Variants in PTPRD observed in about 807,000 individuals in gnomAD.
PTPRD encodes the protein receptor-type tyrosine-protein phosphatase delta.
A neutral mutation model predicts 214.5 loss-of-function variants in PTPRD; 34 were observed. The observed-to-expected ratio is 0.16, with a 90% CI of 0.12 to 0.21. The LOEUF is 0.21. Ranked by LOEUF, PTPRD falls within the 10% of genes least tolerant of loss-of-function variation. The pLI, the probability that PTPRD is intolerant of heterozygous loss-of-function variation, is 1.00. For synonymous variants in PTPRD, 1,128 were observed against 845.7 expected (o/e 1.33, Z -5.79); for missense variants, 2,545 against 2,398.7 (o/e 1.06, Z -1.27).
intron 3 of PTPRD, among the ~76,000 whole-genome samples, chr9:10,334,754 C>T (rs1051436765): frequency 2.6e-5 from 4 of 151,502 alleles, no homozygotes; most frequent in Non-Finnish European, 3.0e-5. Flanking sequence ...AGTCACTTTT[C>T]CTTTGATTGA....
At chr9:8,824,594 C>A (rs1166212541) in intron 11 of PTPRD, among the ~76,000 whole-genome samples, 1 of 69,088 alleles carries the variant, frequency 1.4e-5, no homozygotes, top group Non-Finnish European at 2.8e-5. Flanking sequence ...AAGAGTAAAG[C>A]AAAATAAGTT....
chr9:8,827,344 T>A (rs1158634682), intron 11 of PTPRD, among the ~76,000 whole-genome samples: 1 of 152,144 alleles, frequency 6.6e-6, no homozygotes, highest in Non-Finnish European at 1.5e-5. Context: ...AGGTGGCTCA[T>A]GCCTGTAATC....
chr9:9,990,179 AC>A (rs2095864415), intron 4 of PTPRD, among the ~76,000 whole-genome samples: 2 of 152,216 alleles, frequency 1.3e-5, no homozygotes, highest in South Asian at 4.2e-4. Flanking sequence ...ATTACGTGGG[AC>A]CAGGACAAGG....
At chr9:9,003,908 G>A (rs1022503619) in intron 11 of PTPRD, among the ~76,000 whole-genome samples, 3 of 152,048 alleles carry the variant, frequency 2.0e-5, no homozygotes, top group African/African-American at 4.8e-5. Flanking sequence ...GTGATTTGTT[G>A]TCTTTTAAAC....
At chr9:9,892,392 C>T (rs974229504) in intron 5 of PTPRD, among the ~76,000 whole-genome samples, 1 of 152,036 alleles carries the variant, frequency 6.6e-6, no homozygotes, top group African/African-American at 2.4e-5. Flanking sequence ...AATGCAAAAA[C>T]CCTGAGAGTG....
intron 12 of PTPRD, among the ~76,000 whole-genome samples, chr9:8,705,451 C>A (rs897557017): frequency 6.6e-6 from 1 of 152,182 alleles, no homozygotes; most frequent in African/African-American, 2.4e-5. Context: ...CAGAGGAGCA[C>A]ATACAAGAAA....
chr9:9,519,801 C>A (rs2096922248), intron 8 of PTPRD, among the ~76,000 whole-genome samples: 1 of 151,944 alleles, frequency 6.6e-6, no homozygotes, highest in South Asian at 2.1e-4. Context: ...ATACATTCAA[C>A]AAAATCCATA....
At chr9:8,899,246 G>A (rs1045792791) in intron 11 of PTPRD, among the ~76,000 whole-genome samples, 1 of 152,220 alleles carries the variant, frequency 6.6e-6, no homozygotes, top group South Asian at 2.1e-4. Flanking sequence ...TCCCTCAACT[G>A]GCATTTCTCC....
intron 11 of PTPRD, among the ~76,000 whole-genome samples, chr9:8,817,832 C>G (rs2096953427): frequency 6.6e-6 from 1 of 152,074 alleles, no homozygotes; most frequent in Non-Finnish European, 1.5e-5. Context: ...TTCAAGATTC[C>G]TGATGACCAG....
intron 9 of PTPRD, among the ~76,000 whole-genome samples, chr9:9,197,379 G>C (rs547713190): frequency 1.6e-4 from 25 of 152,246 alleles, no homozygotes; most frequent in African/African-American, 6.0e-4. Context: ...GGAGTGCACT[G>C]ACACTCTAAC....
intron 4 of PTPRD, among the ~76,000 whole-genome samples, chr9:9,946,201 C>A (rs747102957): frequency 8.5e-5 from 13 of 152,084 alleles, no homozygotes; most frequent in Non-Finnish European, 1.9e-4. Context: ...TTGCAAGCAG[C>A]TTAAACACAA....
intron 3 of PTPRD, among the ~76,000 whole-genome samples, chr9:10,148,260 C>T (rs1000911838): frequency 1.3e-5 from 2 of 152,126 alleles, no homozygotes; most frequent in Admixed American, 6.6e-5. Context: ...TATGTCTATT[C>T]TTAATCTATT....
intron 11 of PTPRD, among the ~76,000 whole-genome samples, chr9:8,899,621 T>C (rs760372832): frequency 1.3e-5 from 2 of 152,154 alleles, no homozygotes; most frequent in East Asian, 3.9e-4. Context: ...TGTGGGAAGG[T>C]TGTTGAGGGT....
At chr9:8,599,885 G>A (rs563073877) in intron 14 of PTPRD, among the ~76,000 whole-genome samples, 10 of 151,990 alleles carry the variant, frequency 6.6e-5, no homozygotes, top group Non-Finnish European at 1.5e-4. Context: ...CCAAATTGCT[G>A]GAATTTACAG....
chr9:9,180,760 G>C (rs952892817), intron 10 of PTPRD, among the ~76,000 whole-genome samples: 1 of 152,012 alleles, frequency 6.6e-6, no homozygotes, highest in South Asian at 2.1e-4. Context: ...TGGAGGAAAA[G>C]ACAATTTAGG....
chr9:8,833,706 A>C (rs201339402), intron 11 of PTPRD, among the ~76,000 whole-genome samples: 46,942 of 140,740 alleles, frequency 0.33, 8,692 homozygotes, highest in Middle Eastern at 0.42. Flanking sequence ...CTCTCTATAT[A>C]TATATATATA....
chr9:9,276,458 A>T (rs1218061497), intron 9 of PTPRD, among the ~76,000 whole-genome samples: 1 of 151,308 alleles, frequency 6.6e-6, no homozygotes, highest in African/African-American at 2.4e-5. Flanking sequence ...TTTCTCAGAG[A>T]TGGTCTTGGC....
intron 11 of PTPRD, among the ~76,000 whole-genome samples, chr9:8,892,731 A>ATG (rs1566867343): frequency 6.8e-6 from 1 of 147,778 alleles, no homozygotes; most frequent in Non-Finnish European, 1.5e-5. Context: ...ATATATATAT[A>ATG]TGTATGTATA....
rs147978674 is a variant in PTPRD at position 9,916,676 on chromosome 9, T to C, written c.-368+21831A>G. ...AAAGCTAACAGTAGTTATAGTTAGATCAGACAAAACAGAAAAACAAAGAAA... is the reference window on the plus strand; with the variant it reads ...AAAGCTAACAGTAGTTATAGTTAGACCAGACAAAACAGAAAAACAAAGAAA... On this transcript the variant is annotated intron_variant, in intron 5 of 45. Coordinates refer to ENST00000381196, the MANE Select transcript of PTPRD (RefSeq NM_002839.4). Among the ~76,000 whole-genome samples, 176 of 152,014 alleles carry C rather than the reference T, an allele frequency of 1.2e-3. 1 individual carries two copies. The Middle Eastern group carries it at 0.014, about 12-fold the overall frequency.
Sources: allele counts gnomAD v4.1 joint callset (sites outside exome capture counted in the v4.1 genomes callset), GRCh38; gene constraint gnomAD v4.1.1; transcripts MANE v1.5; gene names NCBI Gene and HGNC (gene_info 2026-07-23, HGNC 2026-07-21).